Variants in ZNF148 observed in about 807,000 individuals in gnomAD.
The protein encoded by ZNF148 is Beta-Enolase Repressor Factor-1.
Under a neutral mutation model 67.7 loss-of-function variants are expected in ZNF148, and 7 were observed. The ratio of observed to expected loss-of-function variants is 0.10; its 90% CI spans 0.06 to 0.19. The LOEUF is 0.19. Ranked by LOEUF, ZNF148 falls within the 10% of genes least tolerant of loss-of-function variation. The probability of loss-of-function intolerance (pLI) is 1.00; values close to 1 mark genes in which losing one functional copy is unlikely to be tolerated. For missense variants in ZNF148, 583 were observed against 947.1 expected (o/e 0.62, Z 5.05); for synonymous variants, 333 against 330.7 (o/e 1.01, Z -0.08).
intron 4 of ZNF148, among the ~76,000 whole-genome samples, chr3:125,308,276 T>A (rs1939999381): frequency 1.3e-5 from 2 of 152,148 alleles, no homozygotes; most frequent in South Asian, 4.1e-4. Context: ...GAATTTGACA[T>A]TTTAAAACAT....
intron 3 of ZNF148, among the ~76,000 whole-genome samples, chr3:125,317,660 T>TAGAGAGAGAGAGAGAGAGAG (rs66600598): frequency 0.03 from 1,869 of 61,866 alleles, 25 homozygotes; most frequent in Non-Finnish European, 0.038. Flanking sequence ...TATATATATA[T>TAGAGAGAGAGAGAGAGAGAG]ATAGAGAGAG....
At chr3:125,292,970 CA>C (rs1189994627) in intron 4 of ZNF148, among the ~76,000 whole-genome samples, 7 of 152,074 alleles carry the variant, frequency 4.6e-5, no homozygotes, top group African/African-American at 1.4e-4. Flanking sequence ...AAAGAGATAT[CA>C]AAAAAATGTA....
chr3:125,232,260 G>GCACT lies in ZNF148; in HGVS notation c.*77_*80dup. ...TACGCATTGCTCTTAAATCTGTACA[G>GCACT]CACTCCATTTACACAGAGTAACCCC... On this transcript the variant is annotated 3_prime_UTR_variant, in exon 9 of 9. Coordinates refer to ENST00000360647, the MANE Select transcript of ZNF148 (RefSeq NM_021964.3). This position sits in a 1 kb window ranked among gnomAD's most constrained non-coding sequence, Gnocchi z 4.2. 1.4e-6 allele frequency: 2 copies of GCACT among 1,441,112 alleles called. No individual in the cohort carries two copies. The highest frequency in any genetic ancestry group is 1.8e-6 in the Non-Finnish European group (2 of 1,081,122). 89.3% of individuals were successfully genotyped at this position (1,441,112 alleles called of 1,614,324 possible).
At chr3:125,262,035 C>CTCTTTTATAGGGCT (rs1241704250) in intron 7 of ZNF148, among the ~76,000 whole-genome samples, 4 of 152,016 alleles carry the variant, frequency 2.6e-5, no homozygotes, top group Non-Finnish European at 4.4e-5. Flanking sequence ...CGCTGGAATT[C>CTCTTTTATAGGGCT]TCTTTTATAG....
At chr3:125,276,664 C>T (rs1352318490) in intron 7 of ZNF148, among the ~76,000 whole-genome samples, 1 of 152,034 alleles carries the variant, frequency 6.6e-6, no homozygotes, top group East Asian at 1.9e-4. Context: ...GAACTCCCGA[C>T]CTCAAGTGAT....
At chr3:125,354,514 T>C (rs770632008) in intron 1 of ZNF148, among the ~76,000 whole-genome samples, 1 of 152,250 alleles carries the variant, frequency 6.6e-6, no homozygotes, top group Non-Finnish European at 1.5e-5. Flanking sequence ...AATTTGTATT[T>C]CCCCAATTAC....
Position 125,242,444 on chromosome 3 carries a change from AATT to A in ZNF148, c.668-8118_668-8116del, listed in dbSNP as rs1265922747. Among the ~76,000 whole-genome samples, 53 of 152,176 alleles carry A rather than the reference AATT, an allele frequency of 3.5e-4. 1 individual carries two copies. Among genetic ancestry groups the A allele is most frequent in the African/African-American group, 1.2e-3 (50 of 41,524 alleles). On this transcript the variant is annotated intron_variant, in intron 7 of 8. Transcript: ENST00000360647. ...GAGACCAGCTTGGCCAACATGACAA[AATT>A]TCCCGTCTCTACTAAAAATACAAAA...
chr3:125,233,913 C>A lies in ZNF148; in HGVS notation c.813G>T (p.Leu271Phe). ...LQYFSRTDRV[L>F]KHKRMCHENH... ...TTTCATGGCACATACGTTTATGTTT[C>A]AATACACGATCTGTTCTGGAAAAAT... The change falls in exon 9 of 9, where the codon TTG becomes TTT. Residue 271 changes from leucine (L) to phenylalanine (F), a missense_variant. Physicochemically the swap from Leu to Phe is conservative, Grantham distance 22 (BLOSUM62 0). This residue lies in a region of ZNF148 where 25 missense variants were observed against 142.0 expected (regional missense o/e 0.18). Transcript: ENST00000360647. This position sits in a 1 kb window ranked among gnomAD's most constrained non-coding sequence, Gnocchi z 5.1. The A allele has an allele frequency of 6.2e-7, 1 of 1,607,888 alleles. No individual in the cohort carries two copies. The highest frequency in any genetic ancestry group is 1.1e-5 in the South Asian group (1 of 89,828).
chr3:125,250,686 T>C (rs966857896), intron 7 of ZNF148, among the ~76,000 whole-genome samples: 2 of 152,250 alleles, frequency 1.3e-5, no homozygotes, highest in Admixed American at 1.3e-4. Context: ...AAGTTGAACC[T>C]AAGTTTTCTG....
At chr3:125,261,148 A>C (rs1246417240) in intron 7 of ZNF148, among the ~76,000 whole-genome samples, 1 of 152,232 alleles carries the variant, frequency 6.6e-6, no homozygotes, top group Non-Finnish European at 1.5e-5. Context: ...TCTCTGTCAC[A>C]GCTACTCAGC....
intron 3 of ZNF148, among the ~76,000 whole-genome samples, chr3:125,314,784 A>G (rs1453492097): frequency 6.6e-6 from 1 of 152,188 alleles, no homozygotes; most frequent in African/African-American, 2.4e-5. Context: ...ATTGCTGGGT[A>G]TGGTAGCTCA....
intron 7 of ZNF148, among the ~76,000 whole-genome samples, chr3:125,245,318 G>A (rs982439009): frequency 3.3e-5 from 5 of 152,108 alleles, no homozygotes; most frequent in East Asian, 1.9e-4. Context: ...GAGTTCTCAC[G>A]AGATCTGACT....
At chr3:125,246,854 C>G (rs904744167) in intron 7 of ZNF148, among the ~76,000 whole-genome samples, 2 of 152,110 alleles carry the variant, frequency 1.3e-5, no homozygotes, top group African/African-American at 4.8e-5. Context: ...AACTACATAC[C>G]CAATAATTTT....
intron 3 of ZNF148, among the ~76,000 whole-genome samples, chr3:125,321,506 A>G (rs1940770201): frequency 6.6e-6 from 1 of 152,210 alleles, no homozygotes; most frequent in Non-Finnish European, 1.5e-5. Flanking sequence ...CCTCTCAAAT[A>G]AAACAGAATC....
At chr3:125,323,206 T>A (rs1021652434) in intron 3 of ZNF148, 103 bp downstream of exon 3, 2 of 418,872 alleles carry the variant, frequency 4.8e-6, no homozygotes, top group African/African-American at 4.1e-5. Context: ...TTTAAGAAAC[T>A]ATTATATAAA....
intron 2 of ZNF148, among the ~76,000 whole-genome samples, chr3:125,327,488 A>G (rs1941082131): frequency 6.6e-6 from 1 of 152,200 alleles, no homozygotes; most frequent in South Asian, 2.1e-4. Flanking sequence ...GGGCCATAAA[A>G]TAAGTCTCAC....
At chr3:125,357,409 C>T (rs1447024270) in intron 1 of ZNF148, 1 of 152,982 alleles carries the variant, frequency 6.5e-6, no homozygotes, top group Non-Finnish European at 1.5e-5. Context: ...ACACACACAC[C>T]CCCCAAAAAG....
At chr3:125,342,768 T>C (rs1941784348) in intron 1 of ZNF148, among the ~76,000 whole-genome samples, 1 of 152,182 alleles carries the variant, frequency 6.6e-6, no homozygotes, top group Admixed American at 6.5e-5. Context: ...TTATAAATCA[T>C]ATTACATGAT....
chr3:125,317,856 G>GCT (rs1940595052), intron 3 of ZNF148, among the ~76,000 whole-genome samples: 1 of 151,428 alleles, frequency 6.6e-6, no homozygotes, highest in Non-Finnish European at 1.5e-5. Context: ...GTTACGGCAA[G>GCT]CTAACAGGGT....
Sources: allele counts gnomAD v4.1 joint callset (sites outside exome capture counted in the v4.1 genomes callset), GRCh38; gene constraint gnomAD v4.1.1; regional missense constraint gnomAD v4.1.1; non-coding constraint Gnocchi (gnomAD v3.1); transcripts MANE v1.5; gene names NCBI Gene and HGNC (gene_info 2026-07-23, HGNC 2026-07-21).